CDKAL1: variants seen among roughly 807,000 people sequenced by gnomAD.
CDKAL1 encodes threonylcarbamoyladenosine tRNA methylthiotransferase.
In CDKAL1, 32 loss-of-function variants were observed where a neutral mutation model predicts 68.2. That is an observed-to-expected ratio of 0.47 (90% confidence interval 0.35 to 0.63). The LOEUF (loss-of-function observed/expected upper bound fraction) is 0.63, where lower values mean the gene tolerates loss of function less well. Among genes scored for constraint, CDKAL1 ranks in the 30% least tolerant of loss-of-function variants. CDKAL1 has a pLI of 0.00. For synonymous variants in CDKAL1, 234 were observed against 244.3 expected, an observed-to-expected ratio of 0.96 and a Z score of 0.39; for missense variants, 606 against 696.7, an observed-to-expected ratio of 0.87 and a Z score of 1.47.
At chr6:20,806,710 A>G (rs1483983028) in intron 8 of CDKAL1, among the ~76,000 whole-genome samples, 3 of 152,030 alleles carry the variant, frequency 2.0e-5, no homozygotes, top group African/African-American at 7.2e-5. Context: ...GAGTCAACAG[A>G]TTTTTCTAGT....
Position 20,857,887 on chromosome 6 carries a change from T to C in CDKAL1, c.742+11709T>C, listed in dbSNP as rs141913855. Among the ~76,000 whole-genome samples, 637 of 152,284 alleles carry C rather than the reference T, an allele frequency of 4.2e-3. 6 individuals carry two copies. The highest frequency in any genetic ancestry group is 0.015 in the African/African-American group (609 of 41,556). On this transcript the variant is annotated intron_variant, in intron 9 of 15. Coordinates refer to ENST00000274695, the MANE Select transcript of CDKAL1 (RefSeq NM_017774.3). ...GGGGAATTTCTTTTTTGAGATGAAG[T>C]CTCGCTCTGTCGCCCAGGCTGGAGT...
intron 5 of CDKAL1, among the ~76,000 whole-genome samples, chr6:20,704,993 A>G (rs1771533420): frequency 6.6e-6 from 1 of 152,236 alleles, no homozygotes; most frequent in Non-Finnish European, 1.5e-5. Flanking sequence ...AGTAGCCTGC[A>G]ATAATTTCTT....
chr6:20,634,325 G>T (rs1361290009), intron 4 of CDKAL1, among the ~76,000 whole-genome samples: 1 of 152,184 alleles, frequency 6.6e-6, no homozygotes, highest in Non-Finnish European at 1.5e-5. Context: ...ATTATTTTAT[G>T]TGTAGTAAAT....
chr6:20,939,636 T>C (rs1277264409), intron 9 of CDKAL1, among the ~76,000 whole-genome samples: 1 of 152,186 alleles, frequency 6.6e-6, no homozygotes, highest in Admixed American at 6.5e-5. Flanking sequence ...TATTTTCTTT[T>C]TAAATCCTTG....
intron 15 of CDKAL1, among the ~76,000 whole-genome samples, chr6:21,225,394 G>A (rs1220441103): frequency 1.3e-5 from 2 of 152,100 alleles, no homozygotes; most frequent in African/African-American, 4.8e-5. Context: ...TCTTCCTCAT[G>A]GGTTAGTGAG....
intron 9 of CDKAL1, among the ~76,000 whole-genome samples, chr6:20,929,441 A>G (rs551297869): frequency 5.9e-5 from 9 of 152,312 alleles, no homozygotes; most frequent in African/African-American, 2.2e-4. Flanking sequence ...AGTGGTAGAA[A>G]AAGTAAGGTA....
At position 20,999,663 on chromosome 6, in the gene CDKAL1, TAAAAA is replaced by T. The variant is rs36078234; in HGVS notation, c.910-544_910-540del. Among the ~76,000 whole-genome samples, 261 of 93,394 alleles carry T rather than the reference TAAAAA, an allele frequency of 2.8e-3. 1 individual carries two copies. The highest frequency in any genetic ancestry group is 0.011 in the African/African-American group (247 of 21,598). 61.3% of individuals were successfully genotyped at this position (93,394 alleles called of 152,430 possible). On this transcript the variant is annotated intron_variant, in intron 10 of 15. Transcript: ENST00000274695. Reference sequence around the variant, plus strand: ...TACTCAAAAAATATGTGACTGAAATTAAAAAAAAAAAAAAAAAAAAAAAAGAAAGA... The same window carrying T: ...TACTCAAAAAATATGTGACTGAAATTAAAAAAAAAAAAAAAAAAAGAAAGA...
At chr6:21,175,038 C>T (rs1042665405) in intron 13 of CDKAL1, among the ~76,000 whole-genome samples, 2 of 152,124 alleles carry the variant, frequency 1.3e-5, no homozygotes, top group African/African-American at 4.8e-5. Context: ...TAAGTGGAGG[C>T]ACGACATGAC....
At chr6:20,611,830 A>T (rs76851481) in intron 4 of CDKAL1, among the ~76,000 whole-genome samples, 2,490 of 152,254 alleles carry the variant, frequency 0.016, 40 homozygotes, top group Admixed American at 0.028. Context: ...CGGCTATCAA[A>T]CATTAGAACC....
chr6:20,558,400 T>C, intron 4 of CDKAL1: 1 of 395,940 alleles, frequency 2.5e-6, no homozygotes, highest in South Asian at 1.9e-5. Flanking sequence ...GGATTTGGGG[T>C]GATAAATTAA....
chr6:20,948,010 C>CTTTT (rs541978769), intron 9 of CDKAL1, among the ~76,000 whole-genome samples: 4 of 115,154 alleles, frequency 3.5e-5, no homozygotes, highest in South Asian at 3.0e-4. Flanking sequence ...GTGAAGGTCA[C>CTTTT]TTTTTTTTTT....
intron 5 of CDKAL1, among the ~76,000 whole-genome samples, chr6:20,706,925 A>G (rs1041511111): frequency 6.9e-6 from 1 of 145,268 alleles, no homozygotes; most frequent in African/African-American, 2.5e-5. Flanking sequence ...TGTTCCAGAT[A>G]CAGCACTGCT....
chr6:20,998,625 GAA>G lies in CDKAL1; in HGVS notation c.910-1590_910-1589del, dbSNP rs202002678. On this transcript the variant is annotated intron_variant, in intron 10 of 15. Coordinates refer to ENST00000274695, the MANE Select transcript of CDKAL1 (RefSeq NM_017774.3). ...AATTCCATCTCAAAAAAAGAAAAAA[GAA>G]AAAAAAAAAAAGAGCCTACTGAATA... Among the ~76,000 whole-genome samples the G allele has an allele frequency of 3.0e-4, 35 of 114,806 alleles. 1 individual carries two copies. Among genetic ancestry groups the G allele is most frequent in the African/African-American group, 9.2e-4 (29 of 31,606 alleles). The allele number at this position is 114,806 out of a possible 152,430, so 75.3% of individuals were successfully genotyped here.
At chr6:21,219,411 T>C (rs1020905946) in intron 15 of CDKAL1, among the ~76,000 whole-genome samples, 7 of 152,274 alleles carry the variant, frequency 4.6e-5, no homozygotes, top group Admixed American at 3.9e-4. Flanking sequence ...GTGGAATTTT[T>C]CCCCCCTGAG....
chr6:20,572,771 A>G (rs1764755514), intron 4 of CDKAL1, among the ~76,000 whole-genome samples: 1 of 150,414 alleles, frequency 6.6e-6, no homozygotes, highest in African/African-American at 2.4e-5. Flanking sequence ...TAGTAGTCTA[A>G]TTTCAGTTAT....
rs9350309 is a variant in CDKAL1, at chr6:20,985,229, T to C, written c.910-14998T>C. On this transcript the variant is annotated intron_variant, in intron 10 of 15. Coordinates refer to ENST00000274695, the MANE Select transcript of CDKAL1 (RefSeq NM_017774.3). ...TTTACGTGTTCATCATTGCTTTGGGTGTGGACATTCAAAAGCCTCTCTTCT... is the reference window on the plus strand; with the variant it reads ...TTTACGTGTTCATCATTGCTTTGGGCGTGGACATTCAAAAGCCTCTCTTCT... Among the ~76,000 whole-genome samples, 2,916 of 152,302 alleles carry C rather than the reference T, an allele frequency of 0.019. 198 individuals are homozygous for C. The East Asian group carries it at 0.23, about 12-fold the overall frequency.
intron 4 of CDKAL1, among the ~76,000 whole-genome samples, chr6:20,584,336 A>T (rs1189944823): frequency 1.3e-5 from 2 of 152,130 alleles, no homozygotes; most frequent in African/African-American, 4.8e-5. Context: ...TCTAAGAAAG[A>T]GCAGCCCTGG....
At chr6:20,574,560 A>C (rs1315276305) in intron 4 of CDKAL1, among the ~76,000 whole-genome samples, 2 of 152,174 alleles carry the variant, frequency 1.3e-5, no homozygotes, top group East Asian at 3.8e-4. Flanking sequence ...AATTTTTATC[A>C]AGGGTCACCA....
At chr6:21,045,227 A>G (rs1274880651) in intron 11 of CDKAL1, among the ~76,000 whole-genome samples, 1 of 152,220 alleles carries the variant, frequency 6.6e-6, no homozygotes, top group Non-Finnish European at 1.5e-5. Flanking sequence ...TCGGAATGAT[A>G]TAGCAGGCAG....
Sources: gnomAD v4.1 joint callset for allele counts (sites outside exome capture counted in the v4.1 genomes callset) on GRCh38, gnomAD v4.1.1 for gene constraint, MANE v1.5 for transcripts, NCBI Gene and HGNC (gene_info 2026-07-23, HGNC 2026-07-21) for gene names.